ARL15: variants seen among roughly 807,000 people sequenced by gnomAD.
ARL15 encodes the protein ARF like GTPase 15, also known as ADP-ribosylation factor-like protein 15.
Under a neutral mutation model 25.2 loss-of-function variants are expected in ARL15, and 19 were observed. That is an observed-to-expected ratio of 0.75 (90% CI 0.53 to 1.10). The LOEUF (loss-of-function observed/expected upper bound fraction) is 1.10, where lower values mean the gene tolerates loss of function less well. ARL15 is among the 50% of genes least tolerant of loss of function. The pLI is 0.00. For missense variants in ARL15, 220 were observed against 246.0 expected, an observed-to-expected ratio of 0.89 and a Z score of 0.71; for synonymous variants, 94 against 86.8, an observed-to-expected ratio of 1.08 and a Z score of -0.46.
chr5:54,225,449 G>C (rs1162588686), intron 1 of ARL15, among the ~76,000 whole-genome samples: 3 of 152,150 alleles, frequency 2.0e-5, no homozygotes, highest in Non-Finnish European at 4.4e-5. Flanking sequence ...CGACTTGCAA[G>C]AAGAGTCCCA....
At chr5:54,271,015 T>C (rs556776110) in intron 1 of ARL15, among the ~76,000 whole-genome samples, 1 of 152,326 alleles carries the variant, frequency 6.6e-6, no homozygotes, top group East Asian at 1.9e-4. Context: ...TCCCCTGCCT[T>C]GGACAACAGA....
chr5:53,942,852 A>G (rs918198073), intron 4 of ARL15, among the ~76,000 whole-genome samples: 2 of 152,158 alleles, frequency 1.3e-5, no homozygotes, highest in Non-Finnish European at 2.9e-5. Flanking sequence ...GCATTCCACT[A>G]TTTAGAAGTC....
chr5:54,278,003 GCT>G (rs1384288008), intron 1 of ARL15, among the ~76,000 whole-genome samples: 1 of 152,198 alleles, frequency 6.6e-6, no homozygotes, highest in Non-Finnish European at 1.5e-5. Context: ...ACTGGCCCTA[GCT>G]TCATTCATCT....
intron 1 of ARL15, among the ~76,000 whole-genome samples, chr5:54,266,121 G>A (rs1757617819): frequency 6.6e-6 from 1 of 152,188 alleles, no homozygotes; most frequent in African/African-American, 2.4e-5. Flanking sequence ...TTCATTAACT[G>A]CCAGTTGCAG....
chr5:54,167,772 C>T (rs1188389427), intron 2 of ARL15, among the ~76,000 whole-genome samples: 1 of 152,128 alleles, frequency 6.6e-6, no homozygotes, highest in Non-Finnish European at 1.5e-5. Flanking sequence ...CTTGAAAGAA[C>T]TGTCTATATT....
At chr5:53,928,347 C>T (rs547057395) in intron 4 of ARL15, among the ~76,000 whole-genome samples, 1 of 152,326 alleles carries the variant, frequency 6.6e-6, no homozygotes, top group East Asian at 1.9e-4. Flanking sequence ...AAATCAGTGT[C>T]ACCGTCCTAG....
At chr5:53,956,873 A>C (rs1252749896) in intron 4 of ARL15, among the ~76,000 whole-genome samples, 2 of 152,122 alleles carry the variant, frequency 1.3e-5, no homozygotes, top group Admixed American at 6.5e-5. Context: ...ACCAGTGAAC[A>C]TGAAGATAGG....
chr5:54,077,488 C>A (rs920398308), intron 4 of ARL15, among the ~76,000 whole-genome samples: 2 of 152,148 alleles, frequency 1.3e-5, no homozygotes, highest in African/African-American at 2.4e-5. Flanking sequence ...CAAAAGGAAG[C>A]AATCTACCTT....
chr5:54,225,285 T>A (rs1051514165), intron 1 of ARL15, among the ~76,000 whole-genome samples: 3 of 152,138 alleles, frequency 2.0e-5, no homozygotes, highest in African/African-American at 7.2e-5. Context: ...TGGCACCATG[T>A]CATGGGGACT....
At chr5:54,079,967 TCACACACACACACACACACACACA>T (rs58908566) in intron 4 of ARL15, among the ~76,000 whole-genome samples, 23 of 124,304 alleles carry the variant, frequency 1.9e-4, no homozygotes, top group African/African-American at 5.1e-4. Flanking sequence ...TGAGACTCCG[TCACACACACACACACACACACACA>T]CACACACACA....
At chr5:53,950,500 C>T (rs1746909492) in intron 4 of ARL15, among the ~76,000 whole-genome samples, 2 of 152,116 alleles carry the variant, frequency 1.3e-5, no homozygotes, top group Non-Finnish European at 1.5e-5. Context: ...CTACTCACAG[C>T]TTTTTTTCAT....
chr5:53,991,474 G>A (rs1234737351), intron 4 of ARL15, among the ~76,000 whole-genome samples: 3 of 149,378 alleles, frequency 2.0e-5, no homozygotes, highest in Non-Finnish European at 3.0e-5. Flanking sequence ...CCTGGGAGGC[G>A]GAGGTTGCAG....
chr5:54,197,168 G>A (rs182982300), intron 1 of ARL15, among the ~76,000 whole-genome samples: 452 of 152,012 alleles, frequency 3.0e-3, no homozygotes, highest in Non-Finnish European at 5.0e-3. Context: ...CTGAAGTGTA[G>A]TAGCAGAGTC....
At chr5:54,147,642 C>T (rs1753949161) in intron 3 of ARL15, among the ~76,000 whole-genome samples, 1 of 152,170 alleles carries the variant, frequency 6.6e-6, no homozygotes. Context: ...TCTGTGCTGT[C>T]ATTTTCCTTT....
chr5:54,226,189 G>A (rs2112542881), intron 1 of ARL15, among the ~76,000 whole-genome samples: 1 of 152,288 alleles, frequency 6.6e-6, no homozygotes, highest in Admixed American at 6.5e-5. Context: ...GTGGACTGGG[G>A]AGGTCAAGGC....
At chr5:54,069,127 T>G (rs1280915627) in intron 4 of ARL15, among the ~76,000 whole-genome samples, 2 of 152,188 alleles carry the variant, frequency 1.3e-5, no homozygotes, top group Admixed American at 1.3e-4. Flanking sequence ...TCCAGAAATC[T>G]GGAACATTTT....
At chr5:54,016,306 G>A (rs987907982) in intron 4 of ARL15, among the ~76,000 whole-genome samples, 2 of 152,138 alleles carry the variant, frequency 1.3e-5, no homozygotes, top group African/African-American at 4.8e-5. Flanking sequence ...AAATCCCTGT[G>A]AAAGAGATGG....
At chr5:54,246,837 CACACACACAG>C (rs1162144848) in intron 1 of ARL15, among the ~76,000 whole-genome samples, 45 of 114,638 alleles carry the variant, frequency 3.9e-4, no homozygotes, top group African/African-American at 1.1e-3. Context: ...CACACACACA[CACACACACAG>C]AGTACATAAA....
In ARL15 at chr5:54,188,320, A is replaced by G. The variant is rs1755294650; in HGVS notation, c.49-16392T>C. 1.3e-5 allele frequency among the ~76,000 whole-genome samples: 2 copies of G among 152,156 alleles called. 1 individual carries two copies. The highest frequency in any genetic ancestry group is 4.1e-4 in the South Asian group (2 of 4,822). On this transcript the variant is annotated intron_variant, in intron 1 of 4. Coordinates refer to ENST00000504924, the MANE Select transcript of ARL15 (RefSeq NM_019087.3). ...GGGAAAGGATTAGGTAAAGGCATGT[A>G]TTTTATAGAAAAGGACATTAGGCCT...
Sources: gnomAD v4.1 joint callset for allele counts (sites outside exome capture counted in the v4.1 genomes callset) on GRCh38, gnomAD v4.1.1 for gene constraint, MANE v1.5 for transcripts, NCBI Gene and HGNC (gene_info 2026-07-23, HGNC 2026-07-21) for gene names.